Variants in FBLN5 observed in about 807,000 individuals in gnomAD.
FBLN5 encodes fibulin-5.
A neutral mutation model predicts 61.6 loss-of-function variants in FBLN5; 24 were observed. The ratio of observed to expected loss-of-function variants is 0.39; its 90% CI spans 0.28 to 0.55. The LOEUF (loss-of-function observed/expected upper bound fraction) is 0.55. FBLN5 is among the 20% of genes least tolerant of loss of function. The pLI is 0.65. For synonymous variants in FBLN5, 213 were observed against 219.8 expected (o/e 0.97, Z 0.27); for missense variants, 470 against 594.1 (o/e 0.79, Z 2.17).
At chr14:91,894,765 C>T (rs1029077702) in intron 5 of FBLN5, among the ~76,000 whole-genome samples, 185 bp downstream of exon 5, 6 of 152,186 alleles carry the variant, frequency 3.9e-5, no homozygotes, top group East Asian at 1.9e-4. Context: ...GACAAGATGG[C>T]GATGATGGCA....
chr14:91,944,392 TG>T (rs2056152877), intron 1 of FBLN5, among the ~76,000 whole-genome samples: 1 of 152,196 alleles, frequency 6.6e-6, no homozygotes, highest in Admixed American at 6.5e-5. Flanking sequence ...GAAAACAGTA[TG>T]ATGACTCCCA....
intron 10 of FBLN5, among the ~76,000 whole-genome samples, chr14:91,873,223 C>T (rs1889020001): frequency 6.6e-6 from 1 of 152,168 alleles, no homozygotes; most frequent in Non-Finnish European, 1.5e-5. Flanking sequence ...CCCCTGAGAG[C>T]CCGTGGGCAT....
chr14:91,895,797 C>CAAAAAAAA (rs60216411), intron 4 of FBLN5, among the ~76,000 whole-genome samples: 5 of 63,486 alleles, frequency 7.9e-5, no homozygotes, highest in African/African-American at 3.5e-4. Context: ...GACCCTGTCT[C>CAAAAAAAA]AAAAAAAAAA....
rs573948110 is a variant in FBLN5, at chr14:91,884,299, T to C, written c.740-1223A>G. On this transcript the variant is annotated intron_variant, in intron 7 of 10. Coordinates refer to ENST00000342058, the MANE Select transcript of FBLN5 (RefSeq NM_006329.4). ...CACGTGTGCTCAGGTAATATCTGATTTGGTTGTGCCTCCCCGCCTCCCCTA... is the reference window on the plus strand; with the variant it reads ...CACGTGTGCTCAGGTAATATCTGATCTGGTTGTGCCTCCCCGCCTCCCCTA... Among the ~76,000 whole-genome samples the C allele has an allele frequency of 1.4e-4, 21 of 152,280 alleles. No individual in the cohort carries two copies. The South Asian group carries it at 4.4e-3, about 32-fold the overall frequency.
chr14:91,881,478 G>C (rs1485428371), intron 8 of FBLN5, 60 bp from the exon 9 acceptor site: 4 of 1,599,660 alleles, frequency 2.5e-6, no homozygotes, highest in Non-Finnish European at 3.4e-6. Context: ...CCAGACGCGT[G>C]GGGGTGGGGT....
chr14:91,933,841 G>A (rs763358673), intron 4 of FBLN5, among the ~76,000 whole-genome samples: 17 of 152,114 alleles, frequency 1.1e-4, no homozygotes, highest in Non-Finnish European at 2.4e-4. Flanking sequence ...TGGGTGCCAC[G>A]GCTCACACCT....
chr14:91,885,026 G>A (rs1442122390), intron 7 of FBLN5, among the ~76,000 whole-genome samples: 2 of 152,228 alleles, frequency 1.3e-5, no homozygotes, highest in Non-Finnish European at 2.9e-5. Flanking sequence ...GACAAGGCTA[G>A]GAGGGGTCTG....
At chr14:91,916,810 C>T (rs1338235923) in intron 4 of FBLN5, among the ~76,000 whole-genome samples, 1 of 152,182 alleles carries the variant, frequency 6.6e-6, no homozygotes, top group East Asian at 1.9e-4. Context: ...CCAGGTACAG[C>T]TCTTGCCCTC....
chr14:91,936,934 C>A lies in FBLN5; in HGVS notation c.379+13G>T, dbSNP rs747588815. On this transcript the variant is annotated intron_variant, in intron 4 of 10. Coordinates refer to ENST00000342058, the MANE Select transcript of FBLN5 (RefSeq NM_006329.4). ...AAGCACAGCGGAGAGGAACAAAAGG[C>A]CGGGCTACTCACCCACACATTGGTT... 29 of 1,613,998 alleles carry A rather than the reference C, an allele frequency of 1.8e-5. No individual in the cohort carries two copies. Among genetic ancestry groups the A allele is most frequent in the African/African-American group, 9.3e-5 (7 of 74,908 alleles).
chr14:91,877,877 A>G (rs895553742), intron 9 of FBLN5, 195 bp from the exon 10 acceptor site: 5 of 664,886 alleles, frequency 7.5e-6, no homozygotes, highest in Non-Finnish European at 1.4e-5. Context: ...TTCCTAGAGA[A>G]TGGACTTTTC....
chr14:91,944,599 G>T (rs2056155712), intron 1 of FBLN5, among the ~76,000 whole-genome samples: 1 of 152,194 alleles, frequency 6.6e-6, no homozygotes, highest in South Asian at 2.1e-4. Context: ...GTACACACAA[G>T]GGAATAGTAT....
intron 9 of FBLN5, chr14:91,878,025 A>G (rs1310941297): frequency 1.6e-5 from 7 of 450,290 alleles, no homozygotes; most frequent in Non-Finnish European, 3.0e-5. Flanking sequence ...GCGGCAGAGC[A>G]AGACCCTGTC....
At chr14:91,915,686 CAAAAA>C (rs34675184) in intron 4 of FBLN5, among the ~76,000 whole-genome samples, 7 of 43,742 alleles carry the variant, frequency 1.6e-4, no homozygotes, top group African/African-American at 6.0e-4. Context: ...GACTCCATCT[CAAAAA>C]AAAAAAAAAA....
chr14:91,929,111 A>ACAC (rs2055881495), intron 4 of FBLN5, among the ~76,000 whole-genome samples: 2 of 137,496 alleles, frequency 1.5e-5, no homozygotes, highest in African/African-American at 5.9e-5. Context: ...ACACACACAC[A>ACAC]CACCCCACAC....
At chr14:91,914,270 G>A (rs1222214738) in intron 4 of FBLN5, among the ~76,000 whole-genome samples, 1 of 152,086 alleles carries the variant, frequency 6.6e-6, no homozygotes, top group African/African-American at 2.4e-5. Flanking sequence ...GAGGTCAGGA[G>A]ATCGAGACCA....
At chr14:91,906,215 C>T (rs1890681263) in intron 4 of FBLN5, among the ~76,000 whole-genome samples, 1 of 152,216 alleles carries the variant, frequency 6.6e-6, no homozygotes, top group Admixed American at 6.5e-5. Context: ...CAGACCAACC[C>T]ACTCTGCCAA....
rs1213079025 is a variant in FBLN5 at position 91,870,259 on chromosome 14, G to A, written c.1312C>T (p.Arg438Ter). 1.9e-6 allele frequency: 3 copies of A among 1,614,202 alleles called. No individual in the cohort carries two copies. Among genetic ancestry groups the A allele is most frequent in the African/African-American group, 1.3e-5 (1 of 75,056 alleles). ...TACTGCGACACATATATCCGCAGTCGGATCACGGAGCTGCCTCTGAAGTTG... is the reference window on the plus strand; with the variant it reads ...TACTGCGACACATATATCCGCAGTCAGATCACGGAGCTGCCTCTGAAGTTG... Reference protein sequence around the residue: ...VINFRGSSVIRLRIYVSQYPF With the variant: ...VINFRGSSVI Residue 438 changes from arginine to a stop codon, truncating the protein, a stop_gained, in exon 11 of 11, where the codon CGA becomes TGA. Coordinates refer to ENST00000342058, the MANE Select transcript of FBLN5 (RefSeq NM_006329.4). LOFTEE classifies it high-confidence loss of function.
intron 10 of FBLN5, among the ~76,000 whole-genome samples, chr14:91,871,137 C>G (rs1241987277): frequency 6.7e-6 from 1 of 148,162 alleles, no homozygotes; most frequent in East Asian, 2.0e-4. Context: ...CCAACATGCA[C>G]ATGTACTCTT....
intron 4 of FBLN5, among the ~76,000 whole-genome samples, chr14:91,907,706 G>A (rs1352994389): frequency 1.3e-5 from 2 of 152,074 alleles, no homozygotes; most frequent in East Asian, 3.9e-4. Flanking sequence ...GGATCGTAAA[G>A]AGGAAAATAA....
Sources: gnomAD v4.1 joint callset for allele counts (sites outside exome capture counted in the v4.1 genomes callset) on GRCh38, gnomAD v4.1.1 for gene constraint, MANE v1.5 for transcripts, NCBI Gene and HGNC (gene_info 2026-07-23, HGNC 2026-07-21) for gene names.